AUTS2: variants seen among roughly 807,000 people sequenced by gnomAD.
The protein encoded by AUTS2 is activator of transcription and developmental regulator AUTS2.
AUTS2 carries 17 observed loss-of-function variants against 112.4 expected under a neutral mutation model. The observed-to-expected ratio is 0.15, with a 90% CI of 0.10 to 0.23. The LOEUF is 0.23. Ranked by LOEUF, AUTS2 falls within the 10% of genes least tolerant of loss-of-function variation. The probability of loss-of-function intolerance (pLI) is 1.00; values close to 1 mark genes in which losing one functional copy is unlikely to be tolerated. For synonymous variants in AUTS2, 751 were observed against 702.7 expected (o/e 1.07, Z -1.09); for missense variants, 1,510 against 1,701.6 (o/e 0.89, Z 1.98).
chr7:70,383,992 A>G (rs967777124), intron 4 of AUTS2, among the ~76,000 whole-genome samples: 2 of 152,264 alleles, frequency 1.3e-5, no homozygotes, highest in Non-Finnish European at 2.9e-5. Context: ...TGCATTAATG[A>G]TGAATGCGAT....
At chr7:70,285,488 A>G (rs530831634) in intron 4 of AUTS2, among the ~76,000 whole-genome samples, 1 of 152,316 alleles carries the variant, frequency 6.6e-6, no homozygotes, top group African/African-American at 2.4e-5. Context: ...CAGTATTCTC[A>G]TGTTTGGAAA....
rs183172382 is a variant in AUTS2 at position 70,037,288 on chromosome 7, T to C, written c.523-80844T>C. ...GTCAATGGATACAAAGTAGCAGATA[T>C]ATAGGATGAAGAAGTCTGAATATCT... On this transcript the variant is annotated intron_variant, in intron 2 of 18. Transcript: ENST00000342771. 8.5e-5 allele frequency among the ~76,000 whole-genome samples: 13 copies of C among 152,278 alleles called. No homozygotes were observed. In the East Asian group the frequency reaches 2.5e-3, roughly 29 times the overall value.
At chr7:70,421,604 A>G (rs1795221131) in intron 4 of AUTS2, among the ~76,000 whole-genome samples, 1 of 152,112 alleles carries the variant, frequency 6.6e-6, no homozygotes, top group South Asian at 2.1e-4. Flanking sequence ...CCCGCATTTG[A>G]ATTTGTCTTT....
chr7:70,097,763 A>T lies in AUTS2; in HGVS notation c.523-20369A>T, dbSNP rs555688684. ...TAACTAGGAGCTAAATTTAATGTTAATCCAAGGTCACACTCTAGTCCACAT... is the reference window on the plus strand; with the variant it reads ...TAACTAGGAGCTAAATTTAATGTTATTCCAAGGTCACACTCTAGTCCACAT... On this transcript the variant is annotated intron_variant, in intron 2 of 18. Transcript: ENST00000342771. Among the ~76,000 whole-genome samples the T allele has an allele frequency of 5.9e-5, 9 of 152,314 alleles. No individual in the cohort carries two copies. In the East Asian group the frequency reaches 1.3e-3, roughly 23 times the overall value.
intron 4 of AUTS2, among the ~76,000 whole-genome samples, chr7:70,322,447 A>C (rs936377749): frequency 1.3e-5 from 2 of 152,176 alleles, no homozygotes; most frequent in Admixed American, 1.3e-4. Flanking sequence ...TAGCTCCTAC[A>C]TGCCAAACTC....
At chr7:70,335,284 T>C (rs1225875920) in intron 4 of AUTS2, among the ~76,000 whole-genome samples, 1 of 152,160 alleles carries the variant, frequency 6.6e-6, no homozygotes, top group Non-Finnish European at 1.5e-5. Context: ...TTCCATTAAG[T>C]GTGCTCAAAG....
intron 2 of AUTS2, among the ~76,000 whole-genome samples, chr7:69,921,064 C>T (rs950716035): frequency 1.3e-5 from 2 of 152,166 alleles, no homozygotes; most frequent in Non-Finnish European, 2.9e-5. Flanking sequence ...AATTTATGAG[C>T]TGCCACCATG....
chr7:69,806,183 A>T (rs1790295008), intron 1 of AUTS2, among the ~76,000 whole-genome samples: 1 of 115,164 alleles, frequency 8.7e-6, no homozygotes. Context: ...GGGAGCCACC[A>T]TGCCCAGCCA....
At chr7:70,048,608 G>A (rs1251528976) in intron 2 of AUTS2, among the ~76,000 whole-genome samples, 1 of 152,166 alleles carries the variant, frequency 6.6e-6, no homozygotes, top group African/African-American at 2.4e-5. Flanking sequence ...TAATTCATTT[G>A]TGTGTGAGCT....
At chr7:70,447,424 CTA>C (rs983507627) in intron 5 of AUTS2, among the ~76,000 whole-genome samples, 3 of 152,216 alleles carry the variant, frequency 2.0e-5, no homozygotes, top group East Asian at 3.8e-4. Context: ...AAAGAAGTAA[CTA>C]TTGTTTAAAT....
At chr7:69,667,350 G>GTTTT (rs58991076) in intron 1 of AUTS2, among the ~76,000 whole-genome samples, 2 of 134,436 alleles carry the variant, frequency 1.5e-5, no homozygotes, top group East Asian at 2.2e-4. Flanking sequence ...GTTTTGTTGT[G>GTTTT]TTTTTTTTTT....
chr7:69,870,152 A>C (rs1403017485), intron 1 of AUTS2, among the ~76,000 whole-genome samples: 1 of 151,926 alleles, frequency 6.6e-6, no homozygotes, highest in Non-Finnish European at 1.5e-5. Flanking sequence ...AAGAGTAACT[A>C]ACTTTATTGT....
At chr7:70,357,262 G>A (rs1035428739) in intron 4 of AUTS2, among the ~76,000 whole-genome samples, 4 of 152,152 alleles carry the variant, frequency 2.6e-5, no homozygotes, top group Non-Finnish European at 4.4e-5. Flanking sequence ...CTCATCCCCA[G>A]GTGCCCAGCT....
chr7:70,417,996 G>C (rs961025759), intron 4 of AUTS2, among the ~76,000 whole-genome samples: 1 of 152,090 alleles, frequency 6.6e-6, no homozygotes, highest in African/African-American at 2.4e-5. Context: ...GGACCTCCCT[G>C]GGATTGGGGT....
intron 5 of AUTS2, among the ~76,000 whole-genome samples, chr7:70,569,661 A>G (rs1206324953): frequency 6.6e-6 from 1 of 152,226 alleles, no homozygotes; most frequent in East Asian, 1.9e-4. Context: ...CAGCTGTCAG[A>G]TACAGATAGT....
At chr7:69,620,496 A>G (rs1318576339) in intron 1 of AUTS2, among the ~76,000 whole-genome samples, 2 of 152,168 alleles carry the variant, frequency 1.3e-5, no homozygotes, top group Non-Finnish European at 2.9e-5. Flanking sequence ...TGGAAAAGAA[A>G]TCTTAAAGCT....
At chr7:70,249,243 G>A (rs1813085830) in intron 4 of AUTS2, among the ~76,000 whole-genome samples, 1 of 151,918 alleles carries the variant, frequency 6.6e-6, no homozygotes, top group Admixed American at 6.6e-5. Context: ...ATTATTTTTT[G>A]CGTAACCTGC....
chr7:69,994,421 C>G (rs766405534), intron 2 of AUTS2, among the ~76,000 whole-genome samples: 2 of 152,148 alleles, frequency 1.3e-5, no homozygotes, highest in Non-Finnish European at 2.9e-5. Flanking sequence ...ACCACTGTTG[C>G]ATTTGTAGTA....
intron 4 of AUTS2, among the ~76,000 whole-genome samples, chr7:70,218,006 T>C (rs1441482560): frequency 2.0e-5 from 3 of 152,184 alleles, no homozygotes; most frequent in Non-Finnish European, 4.4e-5. Context: ...CTTTATGCTG[T>C]AAAGGTCCAG....
Sources: gnomAD v4.1 joint callset for allele counts (sites outside exome capture counted in the v4.1 genomes callset) on GRCh38, gnomAD v4.1.1 for gene constraint, MANE v1.5 for transcripts, NCBI Gene and HGNC (gene_info 2026-07-23, HGNC 2026-07-21) for gene names.